WWOX: variants seen among roughly 807,000 people sequenced by gnomAD.
The protein encoded by WWOX is WW domain-containing oxidoreductase.
WWOX carries 69 observed loss-of-function variants against 46.2 expected under a neutral mutation model. The ratio of observed to expected loss-of-function variants is 1.49; its 90% confidence interval spans 1.23 to 1.82. WWOX has a LOEUF of 1.82. Among genes scored for constraint, WWOX ranks in the 40% most tolerant of loss-of-function variants. WWOX has a pLI of 0.00. For missense variants in WWOX, 919 were observed against 542.6 expected, an observed-to-expected ratio of 1.69 and a Z score of -6.89; for synonymous variants, 359 against 202.6, an observed-to-expected ratio of 1.77 and a Z score of -6.56.
chr16:78,334,934 AAAAAG>A (rs200477021), intron 5 of WWOX, among the ~76,000 whole-genome samples: 9,575 of 151,352 alleles, frequency 0.063, 414 homozygotes, highest in East Asian at 0.17. Flanking sequence ...TAAAAAAAAA[AAAAAG>A]GCAGCAAAAT....
Position 78,794,587 on chromosome 16 carries a change from G to T in WWOX, c.1056+361835G>T, listed in dbSNP as rs535919784. On this transcript the variant is annotated intron_variant, in intron 8 of 8. Transcript: ENST00000566780. ...AACCCTAATACCTCTTAGTGTTGCTGTGAGAATTAACTAAAGTACCATCTT... is the reference window on the plus strand; with the variant it reads ...AACCCTAATACCTCTTAGTGTTGCTTTGAGAATTAACTAAAGTACCATCTT... Among the ~76,000 whole-genome samples the T allele has an allele frequency of 1.1e-4, 17 of 152,324 alleles. No individual in the cohort carries two copies. In the South Asian group the frequency reaches 3.5e-3, roughly 32 times the overall value.
At chr16:78,746,751 C>G (rs897036693) in intron 8 of WWOX, among the ~76,000 whole-genome samples, 5 of 152,106 alleles carry the variant, frequency 3.3e-5, no homozygotes, top group Non-Finnish European at 5.9e-5. Flanking sequence ...AGACCTGAAT[C>G]TGACTTATAC....
intron 8 of WWOX, among the ~76,000 whole-genome samples, chr16:78,482,164 C>G (rs967479130): frequency 9.2e-5 from 14 of 152,166 alleles, no homozygotes; most frequent in African/African-American, 3.4e-4. Context: ...CACAGTTCCA[C>G]AGCCCTCATT....
At chr16:79,205,195 G>C (rs1281661678) in intron 8 of WWOX, 1 of 152,236 alleles carries the variant, frequency 6.6e-6, no homozygotes, top group East Asian at 1.9e-4. Context: ...GGTGTCCCTT[G>C]TAATTTGTGG....
intron 8 of WWOX, among the ~76,000 whole-genome samples, chr16:78,519,499 A>G (rs531341081): frequency 2.6e-5 from 4 of 151,516 alleles, no homozygotes; most frequent in Non-Finnish European, 5.9e-5. Context: ...AAATATATAT[A>G]TATATATTAC....
chr16:78,700,445 A>G (rs1358593722), intron 8 of WWOX, among the ~76,000 whole-genome samples: 1 of 151,462 alleles, frequency 6.6e-6, no homozygotes, highest in Non-Finnish European at 1.5e-5. Flanking sequence ...TCCAAACACC[A>G]TCTTATTGGG....
intron 5 of WWOX, among the ~76,000 whole-genome samples, chr16:78,238,807 T>TG (rs1405146834): frequency 5.3e-5 from 8 of 151,916 alleles, no homozygotes; most frequent in Non-Finnish European, 1.0e-4. Flanking sequence ...TTAGTAGAGA[T>TG]GGGGCTTCTC....
chr16:78,975,403 C>T (rs1289261705), intron 8 of WWOX, among the ~76,000 whole-genome samples: 1 of 151,714 alleles, frequency 6.6e-6, no homozygotes, highest in East Asian at 1.9e-4. Context: ...CTTACGTGGT[C>T]CTGGATGAAA....
intron 5 of WWOX, among the ~76,000 whole-genome samples, chr16:78,363,811 G>C (rs4075558): frequency 0.027 from 4,139 of 152,234 alleles, 172 homozygotes; most frequent in African/African-American, 0.087. Flanking sequence ...GTGAGGTCCT[G>C]TAGGATGAGG....
intron 5 of WWOX, among the ~76,000 whole-genome samples, chr16:78,288,859 A>G (rs1460053397): frequency 6.6e-6 from 1 of 152,244 alleles, no homozygotes; most frequent in South Asian, 2.1e-4. Context: ...TTTTAAGTGG[A>G]AAAAAATCCA....
At chr16:78,639,843 G>A (rs368266281) in intron 8 of WWOX, among the ~76,000 whole-genome samples, 1 of 152,306 alleles carries the variant, frequency 6.6e-6, no homozygotes, top group Admixed American at 6.5e-5. Flanking sequence ...TGGGATCACA[G>A]GTGTGAGCCA....
chr16:78,884,667 T>A (rs188675580), intron 8 of WWOX, among the ~76,000 whole-genome samples: 26 of 152,256 alleles, frequency 1.7e-4, no homozygotes, highest in Admixed American at 1.4e-3. Context: ...GAAGTCAGGG[T>A]AGAGGATGGA....
intron 8 of WWOX, among the ~76,000 whole-genome samples, chr16:78,443,531 A>G (rs1370059417): frequency 6.6e-6 from 1 of 152,122 alleles, no homozygotes; most frequent in African/African-American, 2.4e-5. Context: ...GTGAGGCTGG[A>G]GCACCTCATC....
chr16:78,830,117 GA>G (rs1044303979), intron 8 of WWOX, among the ~76,000 whole-genome samples: 6 of 151,468 alleles, frequency 4.0e-5, no homozygotes, highest in South Asian at 2.1e-4. Context: ...AAATTTACAT[GA>G]AAAAAAATAA....
chr16:78,254,499 C>CTTTTTTTTTT (rs1597405923), intron 5 of WWOX, among the ~76,000 whole-genome samples: 1 of 52,136 alleles, frequency 1.9e-5, no homozygotes, highest in African/African-American at 1.2e-4. Flanking sequence ...TCTTTTCTTT[C>CTTTTTTTTTT]TTGTTTTTTT....
At chr16:78,666,651 A>G (rs2047339062) in intron 8 of WWOX, among the ~76,000 whole-genome samples, 1 of 152,178 alleles carries the variant, frequency 6.6e-6, no homozygotes, top group African/African-American at 2.4e-5. Context: ...GCTGATTGGC[A>G]AGGTCATCTT....
intron 8 of WWOX, among the ~76,000 whole-genome samples, chr16:78,649,769 T>G (rs2142139312): frequency 6.6e-6 from 1 of 152,380 alleles, no homozygotes; most frequent in South Asian, 2.1e-4. Context: ...TTATCTCATT[T>G]AACCCTTAGG....
chr16:78,322,424 G>C (rs12932345), intron 5 of WWOX, among the ~76,000 whole-genome samples: 1 of 152,072 alleles, frequency 6.6e-6, no homozygotes, highest in Admixed American at 6.6e-5. Flanking sequence ...GTTCGTGATC[G>C]CCAGGATCAG....
chr16:79,006,594 A>C (rs193035790), intron 8 of WWOX, among the ~76,000 whole-genome samples: 1 of 152,244 alleles, frequency 6.6e-6, no homozygotes, highest in East Asian at 1.9e-4. Flanking sequence ...AATGATTACA[A>C]ATGTACCGTC....
Sources: allele counts gnomAD v4.1 joint callset (sites outside exome capture counted in the v4.1 genomes callset), GRCh38; gene constraint gnomAD v4.1.1; transcripts MANE v1.5; gene names NCBI Gene and HGNC (gene_info 2026-07-23, HGNC 2026-07-21).